Variants in SFMBT2 observed in about 807,000 individuals in gnomAD.
SFMBT2 encodes Scm like with four mbt domains 2.
Under a neutral mutation model 110.1 loss-of-function variants are expected in SFMBT2, and 38 were observed. That is an observed-to-expected ratio of 0.35 (90% CI 0.27 to 0.45). SFMBT2 has a LOEUF of 0.45. SFMBT2 is among the 20% of genes least tolerant of loss of function. The pLI is 1.00. For missense variants in SFMBT2, 1,011 were observed against 1,094.9 expected (o/e 0.92, Z 1.08); for synonymous variants, 425 against 425.4 (o/e 1.00, Z 0.01).
At position 7,227,854 on chromosome 10, in the gene SFMBT2, C is replaced by T; in HGVS notation, c.1203+1G>A. 1 of 1,607,746 alleles carries T rather than the reference C, an allele frequency of 6.2e-7. No individual in the cohort carries two copies. The highest frequency in any genetic ancestry group is 8.5e-7 in the Non-Finnish European group (1 of 1,177,766). ...AATTAGGTAAGAGAGAAGCTTCTTA[C>T]ATTTCGGAAGCAGAAGGGAGGGGCT... On this transcript the variant is annotated splice_donor_variant, in intron 10 of 20. Coordinates refer to ENST00000397167, the MANE Select transcript of SFMBT2 (RefSeq NM_001387889.1). LOFTEE classifies it high-confidence loss of function.
chr10:7,302,930 CTA>C (rs1842592008), intron 4 of SFMBT2, among the ~76,000 whole-genome samples: 1 of 151,906 alleles, frequency 6.6e-6, no homozygotes, highest in South Asian at 2.1e-4. Context: ...GTTTTGTCTT[CTA>C]TGATTCTTCA....
intron 20 of SFMBT2, among the ~76,000 whole-genome samples, chr10:7,168,087 C>T (rs1161066351): frequency 6.6e-6 from 1 of 151,242 alleles, no homozygotes; most frequent in South Asian, 2.1e-4. Context: ...AAAAGAGCAA[C>T]TTGATTCTAC....
At chr10:7,340,701 T>C (rs1160482473) in intron 4 of SFMBT2, among the ~76,000 whole-genome samples, 1 of 141,866 alleles carries the variant, frequency 7.0e-6, no homozygotes, top group East Asian at 2.1e-4. Flanking sequence ...AGCTTCTGAG[T>C]ATCACTAGAT....
At chr10:7,338,058 G>A (rs1843770550) in intron 4 of SFMBT2, among the ~76,000 whole-genome samples, 1 of 152,088 alleles carries the variant, frequency 6.6e-6, no homozygotes, top group Admixed American at 6.6e-5. Context: ...CCACACATGT[G>A]ACCTCCTAAA....
chr10:7,345,901 G>A (rs1367438497), intron 4 of SFMBT2, among the ~76,000 whole-genome samples: 1 of 152,182 alleles, frequency 6.6e-6, no homozygotes, highest in African/African-American at 2.4e-5. Context: ...TCCTCTGGGA[G>A]GCAAAACTTC....
chr10:7,217,107 A>T (rs1444355343), intron 11 of SFMBT2, among the ~76,000 whole-genome samples: 5 of 152,244 alleles, frequency 3.3e-5, no homozygotes, highest in Non-Finnish European at 7.3e-5. Flanking sequence ...GATTTGACTC[A>T]TGTGAGGTAC....
chr10:7,301,527 G>A lies in SFMBT2; in HGVS notation c.437-15573C>T, dbSNP rs1842556940. ...CTGCACACTCAGCCATCGGCAGTTA[G>A]TGGCACACTTTCCACTGAGACAGTG... On this transcript the variant is annotated intron_variant, in intron 4 of 20. Transcript: ENST00000397167. The surrounding 1 kb of genome is among the most constrained non-coding windows in gnomAD (Gnocchi z 4.2). 6.6e-6 allele frequency among the ~76,000 whole-genome samples: 1 copy of A among 152,212 alleles called. No homozygotes were observed. Among genetic ancestry groups the A allele is most frequent in the Non-Finnish European group, 1.5e-5 (1 of 68,042 alleles).
intron 16 of SFMBT2, among the ~76,000 whole-genome samples, chr10:7,176,865 A>T (rs1301684421): frequency 6.6e-6 from 1 of 152,166 alleles, no homozygotes; most frequent in Non-Finnish European, 1.5e-5. Flanking sequence ...AAGTGGCTTC[A>T]GTGTAAACAG....
chr10:7,395,822 T>C (rs1296067773), intron 1 of SFMBT2, among the ~76,000 whole-genome samples: 3 of 152,188 alleles, frequency 2.0e-5, no homozygotes, highest in Admixed American at 1.3e-4. Flanking sequence ...GATTTTCTTC[T>C]CTCCTTCATA....
rs1279253001 is a variant in SFMBT2, at chr10:7,378,217, A to G, written c.100+3582T>C. On this transcript the variant is annotated intron_variant, in intron 2 of 20. Coordinates refer to ENST00000397167, the MANE Select transcript of SFMBT2 (RefSeq NM_001387889.1). ...GTGTGGGTGTATGTGTGGATGTGTG[A>G]TGGATGGGTGTGAGTGTGGGTGTGT... Among the ~76,000 whole-genome samples the G allele has an allele frequency of 7.7e-3, 86 of 11,136 alleles. 3 individuals are homozygous for G. The highest frequency in any genetic ancestry group is 9.0e-3 in the African/African-American group (16 of 1,782). 7.3% of individuals were successfully genotyped at this position (11,136 alleles called of 152,430 possible).
rs755414025 is a variant in SFMBT2, at chr10:7,197,607, T to G, written c.1639A>C (p.Arg547=). The G allele has an allele frequency of 6.2e-7, 1 of 1,614,252 alleles. No individual in the cohort carries two copies. The highest frequency in any genetic ancestry group is 8.5e-7 in the Non-Finnish European group (1 of 1,180,052). Residue 547 remains arginine (R), a synonymous_variant, in exon 15 of 21, where the codon AGG becomes CGG. Coordinates refer to ENST00000397167, the MANE Select transcript of SFMBT2 (RefSeq NM_001387889.1). ...ACCGACTGAGGTAGCTCTGCAATCC[T>G]TCCTTTGTTCAGGTAAGGGCCTGAG... is the stretch of plus-strand genomic sequence containing the variant. ...CFSGPYLNKG[R]IAELPQSVGP... is the part of the protein sequence containing the mutation.
At position 7,233,607 on chromosome 10, in the gene SFMBT2, T is replaced by C. The variant is rs115311419; in HGVS notation, c.1121-5670A>G. On this transcript the variant is annotated intron_variant, in intron 9 of 20. Transcript: ENST00000397167. ...AAATACCAGGACCCAGATATGTGCA[T>C]AAATGTTGATGCAACAGAACCTAAG... Among the ~76,000 whole-genome samples, 139 of 152,342 alleles carry C rather than the reference T, an allele frequency of 9.1e-4. 1 individual carries two copies. The highest frequency in any genetic ancestry group is 3.2e-3 in the African/African-American group (131 of 41,570).
At chr10:7,245,562 C>T (rs1463151152) in intron 8 of SFMBT2, among the ~76,000 whole-genome samples, 1 of 152,224 alleles carries the variant, frequency 6.6e-6, no homozygotes, top group Non-Finnish European at 1.5e-5. Flanking sequence ...CCATAACCCA[C>T]AGGACTCAGA....
chr10:7,322,933 G>T (rs1377584005), intron 4 of SFMBT2, among the ~76,000 whole-genome samples: 1 of 152,186 alleles, frequency 6.6e-6, no homozygotes, highest in Non-Finnish European at 1.5e-5. Context: ...GCTCTCATTT[G>T]TAAACCAGAA....
rs578261376 is a variant in SFMBT2 at position 7,323,192 on chromosome 10, G to A, written c.437-37238C>T. Among the ~76,000 whole-genome samples the A allele has an allele frequency of 3.3e-5, 5 of 152,204 alleles. No homozygotes were observed. The South Asian group carries it at 1.0e-3, about 32-fold the overall frequency. On this transcript the variant is annotated intron_variant, in intron 4 of 20. Coordinates refer to ENST00000397167, the MANE Select transcript of SFMBT2 (RefSeq NM_001387889.1). ...AATGGAGCTGGGCGCGGTGGTTCAC[G>A]CCTATAATCCCAGCACTTTGGGAGG... is the stretch of plus-strand genomic sequence containing the variant.
At position 7,367,833 on chromosome 10, in the gene SFMBT2, A is replaced by C. The variant is rs1385755126; in HGVS notation, c.252T>G (p.Asn84Lys). ...FQPGMKLEVA[N>K]KNNPDTYWVA... ...CCCAGTACGTGTCCGGGTTGTTCTTATTAGCCACTTCCAATTTCATTCCTG... is the reference window on the plus strand; with the variant it reads ...CCCAGTACGTGTCCGGGTTGTTCTTCTTAGCCACTTCCAATTTCATTCCTG... Residue 84 changes from asparagine to lysine, a missense_variant, in exon 4 of 21, where the codon AAT becomes AAG. By Grantham distance (94) the Asn-to-Lys change is moderately conservative. Transcript: ENST00000397167. The surrounding 1 kb of genome is among the most constrained non-coding windows in gnomAD (Gnocchi z 6.2). The C allele has an allele frequency of 6.2e-7, 1 of 1,614,184 alleles. No homozygotes were observed. The highest frequency in any genetic ancestry group is 1.7e-5 in the Admixed American group (1 of 60,028).
Position 7,203,747 on chromosome 10 carries a change from G to A in SFMBT2, c.1445-1225C>T, listed in dbSNP as rs182988566. 43 of 815,462 alleles carry A rather than the reference G, an allele frequency of 5.3e-5. 1 individual carries two copies. In the South Asian group the frequency reaches 1.4e-3, roughly 27 times the overall value. 50.5% of individuals were successfully genotyped at this position (815,462 alleles called of 1,614,324 possible). A position where few individuals can be genotyped will look rare whatever the true frequency, so the allele number is the denominator to read the frequency against. ...TTTTTGTGAGACAGAGCGGAGTATC[G>A]CTCTGTCACCCAGGCTGGAGTGCAG... On this transcript the variant is annotated intron_variant, in intron 12 of 20. Transcript: ENST00000397167.
rs1233381268 is a variant in SFMBT2 at position 7,295,718 on chromosome 10, G to C, written c.437-9764C>G. On this transcript the variant is annotated intron_variant, in intron 4 of 20. Coordinates refer to ENST00000397167, the MANE Select transcript of SFMBT2 (RefSeq NM_001387889.1). The stretch of plus-strand genomic sequence containing the variant: ...TGTTCGTTTCAGCATGTGTAACCTA[G>C]AAAGCCAGGTATCAGTCCATTTAAG... Among the ~76,000 whole-genome samples, 8 of 152,144 alleles carry C rather than the reference G, an allele frequency of 5.3e-5. No homozygotes were observed. The East Asian group carries it at 1.5e-3, about 29-fold the overall frequency.
rs1319150556 is a variant in SFMBT2, at chr10:7,161,046, T to C, written c.*2724A>G. On this transcript the variant is annotated 3_prime_UTR_variant, in exon 21 of 21. Coordinates refer to ENST00000397167, the MANE Select transcript of SFMBT2 (RefSeq NM_001387889.1). ...CACGTGCACAGACAGTGCTCACCCA[T>C]GGTGACCGCAACTGCACAGAGAAAC... 6.6e-6 allele frequency: 1 copy of C among 152,258 alleles called. No individual in the cohort carries two copies. Among genetic ancestry groups the C allele is most frequent in the Non-Finnish European group, 1.5e-5 (1 of 68,078 alleles). The allele number at this position is 152,258 out of a possible 1,614,324, so 9.4% of individuals were successfully genotyped here. A position where few individuals can be genotyped will look rare whatever the true frequency, so the allele number is the denominator to read the frequency against.
Sources: allele counts gnomAD v4.1 joint callset (sites outside exome capture counted in the v4.1 genomes callset), GRCh38; gene constraint gnomAD v4.1.1; non-coding constraint Gnocchi (gnomAD v3.1); transcripts MANE v1.5; gene names NCBI Gene and HGNC (gene_info 2026-07-23, HGNC 2026-07-21).